RERE: variants seen among roughly 807,000 people sequenced by gnomAD.
RERE encodes the protein arginine-glutamic acid dipeptide repeats.
A neutral mutation model predicts 146.1 loss-of-function variants in RERE; 40 were observed. The ratio of observed to expected loss-of-function variants is 0.27; its 90% CI spans 0.21 to 0.36. The LOEUF (loss-of-function observed/expected upper bound fraction) is 0.36, where lower values mean the gene tolerates loss of function less well. Ranked by LOEUF, RERE falls within the 10% of genes least tolerant of loss-of-function variation. The pLI is 1.00. For synonymous variants in RERE, 1,003 were observed against 866.0 expected (o/e 1.16, Z -2.78); for missense variants, 1,933 against 2,138.7 (o/e 0.90, Z 1.90).
intron 12 of RERE, among the ~76,000 whole-genome samples, chr1:8,379,685 T>C (rs1181194792): frequency 1.3e-5 from 2 of 152,152 alleles, no homozygotes; most frequent in Admixed American, 6.5e-5. Context: ...CAGGCTGCTA[T>C]GCATGTGGGG....
At chr1:8,605,237 A>G (rs1350113971) in intron 4 of RERE, among the ~76,000 whole-genome samples, 3 of 152,116 alleles carry the variant, frequency 2.0e-5, no homozygotes, top group Admixed American at 1.3e-4. Flanking sequence ...GATTCAAGCA[A>G]TTCTCCTGCT....
chr1:8,449,599 G>A (rs1045337279), intron 11 of RERE, among the ~76,000 whole-genome samples: 2 of 152,150 alleles, frequency 1.3e-5, no homozygotes, highest in African/African-American at 4.8e-5. Context: ...TATGAAAAAC[G>A]CACAGATTGC....
chr1:8,401,903 G>A (rs1319799408), intron 12 of RERE, among the ~76,000 whole-genome samples: 1 of 151,860 alleles, frequency 6.6e-6, no homozygotes, highest in Non-Finnish European at 1.5e-5. Flanking sequence ...GTCTTGCTCT[G>A]TCGCCAGGCT....
intron 1 of RERE, among the ~76,000 whole-genome samples, chr1:8,660,523 T>A (rs549162175): frequency 5.3e-5 from 8 of 152,294 alleles, no homozygotes; most frequent in African/African-American, 1.7e-4. Context: ...TCAGAAGAGA[T>A]CATCTGCACA....
intron 1 of RERE, among the ~76,000 whole-genome samples, chr1:8,664,052 C>T (rs1398241265): frequency 6.6e-6 from 1 of 152,150 alleles, no homozygotes; most frequent in Non-Finnish European, 1.5e-5. Flanking sequence ...CAGTTGTTAA[C>T]TTACATCACT....
At chr1:8,630,089 T>C (rs1207026474) in intron 2 of RERE, among the ~76,000 whole-genome samples, 4 of 152,168 alleles carry the variant, frequency 2.6e-5, no homozygotes, top group East Asian at 1.9e-4. Flanking sequence ...TGGTCTAATA[T>C]TGCAGAATAA....
intron 4 of RERE, among the ~76,000 whole-genome samples, chr1:8,578,052 T>C (rs375840399): frequency 4.0e-5 from 6 of 151,154 alleles, no homozygotes; most frequent in South Asian, 4.2e-4. Context: ...GTTTGCGCCA[T>C]TGCACTCCAG....
intron 7 of RERE, among the ~76,000 whole-genome samples, chr1:8,536,144 T>G (rs1230511465): frequency 6.6e-6 from 1 of 151,696 alleles, no homozygotes; most frequent in Non-Finnish European, 1.5e-5. Context: ...CAATCTTGTC[T>G]CTAAAAGAAA....
intron 4 of RERE, among the ~76,000 whole-genome samples, chr1:8,581,554 C>A (rs1302043221): frequency 2.0e-5 from 3 of 152,140 alleles, no homozygotes; most frequent in African/African-American, 7.2e-5. Context: ...CTCCTGATTT[C>A]TTCTACAAGT....
intron 12 of RERE, among the ~76,000 whole-genome samples, chr1:8,373,695 G>A (rs1177137293): frequency 6.6e-6 from 1 of 152,310 alleles, no homozygotes; most frequent in Admixed American, 6.5e-5. Context: ...GCTGCCGAGT[G>A]CAGTCAGGAA....
At chr1:8,403,189 G>T (rs950747394) in intron 12 of RERE, among the ~76,000 whole-genome samples, 1 of 151,450 alleles carries the variant, frequency 6.6e-6, no homozygotes, top group Non-Finnish European at 1.5e-5. Flanking sequence ...GAGCCACCGC[G>T]CCCGGCCAAT....
intron 11 of RERE, among the ~76,000 whole-genome samples, chr1:8,434,225 C>CA (rs544449672): frequency 6.6e-5 from 10 of 152,278 alleles, no homozygotes; most frequent in Admixed American, 2.0e-4. Context: ...AAGAGTCCAA[C>CA]AGCCCCTCAA....
rs115506949 is a variant in RERE at position 8,548,496 on chromosome 1, C to G, written c.726-7178G>C. Among the ~76,000 whole-genome samples, 234 of 152,260 alleles carry G rather than the reference C, an allele frequency of 1.5e-3. 4 individuals are homozygous for G. Among genetic ancestry groups the G allele is most frequent in the African/African-American group, 5.3e-3 (221 of 41,564 alleles). ...GAACTGACCTAAGTAAGAGGAAAAG[C>G]AGTATTTGGCACTATAAGACCGAAA... On this transcript the variant is annotated intron_variant, in intron 6 of 22. Coordinates refer to ENST00000400908, the MANE Select transcript of RERE (RefSeq NM_001042681.2).
At chr1:8,415,088 CTAGA>C (rs1343974268) in intron 12 of RERE, among the ~76,000 whole-genome samples, 1 of 152,112 alleles carries the variant, frequency 6.6e-6, no homozygotes, top group Non-Finnish European at 1.5e-5. Context: ...TCCTAACAGA[CTAGA>C]TAGATATATT....
chr1:8,641,841 G>A (rs987468843), intron 2 of RERE, among the ~76,000 whole-genome samples: 3 of 152,142 alleles, frequency 2.0e-5, no homozygotes, highest in Admixed American at 6.5e-5. Context: ...ATTAGATCAC[G>A]TGAGGCCAGG....
At chr1:8,783,835 T>C (rs537203558) in intron 1 of RERE, among the ~76,000 whole-genome samples, 17 of 152,164 alleles carry the variant, frequency 1.1e-4, no homozygotes, top group South Asian at 8.3e-4. Flanking sequence ...ACAGACATCG[T>C]AGACTGAATG....
Position 8,674,040 on chromosome 1 carries a change from A to G in RERE, c.-144-17599T>C, listed in dbSNP as rs1159990419. Reference sequence around the variant, plus strand: ...AGAATAAGACCTATCTCAAAAATAAATATTTTCATATTAAAAATATTCAAA... The same window carrying G: ...AGAATAAGACCTATCTCAAAAATAAGTATTTTCATATTAAAAATATTCAAA... On this transcript the variant is annotated intron_variant, in intron 1 of 22. Coordinates refer to ENST00000400908, the MANE Select transcript of RERE (RefSeq NM_001042681.2). 2.0e-5 allele frequency among the ~76,000 whole-genome samples: 3 copies of G among 152,206 alleles called. No individual in the cohort carries two copies. The East Asian group carries it at 5.8e-4, about 29-fold the overall frequency.
At chr1:8,490,939 T>C (rs1644972166) in intron 10 of RERE, among the ~76,000 whole-genome samples, 2 of 150,722 alleles carry the variant, frequency 1.3e-5, no homozygotes, top group Admixed American at 6.5e-5. Flanking sequence ...TTTTTTACTT[T>C]GAAACAGAGC....
At chr1:8,628,852 G>A (rs961219585) in intron 2 of RERE, among the ~76,000 whole-genome samples, 1 of 152,160 alleles carries the variant, frequency 6.6e-6, no homozygotes, top group Admixed American at 6.5e-5. Flanking sequence ...TGGGATGTCT[G>A]AAGCTGGTTA....
Sources: allele counts gnomAD v4.1 joint callset (sites outside exome capture counted in the v4.1 genomes callset), GRCh38; gene constraint gnomAD v4.1.1; transcripts MANE v1.5; gene names NCBI Gene and HGNC (gene_info 2026-07-23, HGNC 2026-07-21).